The following LRBA variants were observed in gnomAD, a reference collection of about 807,000 sequenced individuals.
LRBA encodes the protein lipopolysaccharide-responsive and beige-like anchor protein.
Under a neutral mutation model 330.0 loss-of-function variants are expected in LRBA, and 176 were observed. The observed-to-expected ratio is 0.53, with a 90% CI of 0.47 to 0.60. The LOEUF is 0.60. Ranked by LOEUF, LRBA falls within the 20% of genes least tolerant of loss-of-function variation. LRBA has a pLI of 0.00. For missense variants in LRBA, 3,259 were observed against 3,444.8 expected (o/e 0.95, Z 1.35); for synonymous variants, 1,230 against 1,193.0 (o/e 1.03, Z -0.64).
intron 36 of LRBA, among the ~76,000 whole-genome samples, chr4:150,716,621 G>A (rs1024072000): frequency 6.6e-6 from 1 of 151,578 alleles, no homozygotes; most frequent in Non-Finnish European, 1.5e-5. Context: ...AAATAAACAC[G>A]TTTAAATTTA....
chr4:150,349,707 T>G (rs756486573), intron 48 of LRBA, among the ~76,000 whole-genome samples: 15 of 152,196 alleles, frequency 9.9e-5, no homozygotes, highest in Non-Finnish European at 1.9e-4. Context: ...ACAAAAATCA[T>G]GAGTAACCCC....
chr4:150,797,875 A>T (rs1353724647), intron 34 of LRBA, among the ~76,000 whole-genome samples: 3 of 152,150 alleles, frequency 2.0e-5, no homozygotes, highest in Non-Finnish European at 2.9e-5. Flanking sequence ...TTTGTTTCTC[A>T]CTTCCTCTCA....
chr4:150,523,097 T>G (rs1410751404), intron 40 of LRBA, among the ~76,000 whole-genome samples: 1 of 152,226 alleles, frequency 6.6e-6, no homozygotes, highest in Admixed American at 6.5e-5. Context: ...TTGGATGGCA[T>G]CTACATGATA....
chr4:150,566,251 A>G (rs1216319830), intron 40 of LRBA, among the ~76,000 whole-genome samples: 1 of 152,128 alleles, frequency 6.6e-6, no homozygotes, highest in Admixed American at 6.6e-5. Flanking sequence ...TTTAAAAATC[A>G]TAGCATGGAA....
rs139613482 is a variant in LRBA at position 150,915,099 on chromosome 4, T to C, written c.1014+509A>G. Among the ~76,000 whole-genome samples the C allele has an allele frequency of 6.0e-3, 913 of 152,256 alleles. 12 individuals carry two copies. Among genetic ancestry groups the C allele is most frequent in the African/African-American group, 0.017 (719 of 41,568 alleles). ...TATGAAAAGAGGAGTTAATGGTGTG[T>C]GGGTAGTGTACTTTATGTTCATTTT... is the stretch of plus-strand genomic sequence containing the variant. On this transcript the variant is annotated intron_variant, in intron 8 of 56. Transcript: ENST00000651943.
At chr4:150,928,693 A>C in intron 3 of LRBA, 77 bp from the exon 4 acceptor site, 1 of 1,327,424 alleles carries the variant, frequency 7.5e-7, no homozygotes, top group Non-Finnish European at 1.1e-6. Flanking sequence ...GTGCTTATTT[A>C]AGGGCTTGGA....
chr4:150,727,239 A>C (rs1222242914), intron 36 of LRBA, among the ~76,000 whole-genome samples: 1 of 151,864 alleles, frequency 6.6e-6, no homozygotes, highest in Non-Finnish European at 1.5e-5. Flanking sequence ...ACACTCAGCT[A>C]ATTTTTGTAT....
intron 37 of LRBA, among the ~76,000 whole-genome samples, chr4:150,664,439 A>G (rs1239573710): frequency 6.6e-6 from 1 of 152,192 alleles, no homozygotes; most frequent in Non-Finnish European, 1.5e-5. Context: ...ATAAAGCATA[A>G]TAGCCTGTCA....
At position 150,302,682 on chromosome 4, in the gene LRBA, T is replaced by C; in HGVS notation, c.7960A>G (p.Thr2654Ala). ...CCATTCCAATACCACAGCAAAAGAG[T>C]TGCATCACGTGACCCTGAGAGAATG... Reference protein sequence around the residue: ...CYILSGSRDATLLLWYWNGKC... With the variant: ...CYILSGSRDAALLLWYWNGKC... The change falls in exon 53 of 57, where the codon ACT (threonine) becomes GCT (alanine). Residue 2654 changes from threonine to alanine, a missense_variant. Coordinates refer to ENST00000651943, the MANE Select transcript of LRBA (RefSeq NM_001364905.1). 5 of 1,612,606 alleles carry C rather than the reference T, an allele frequency of 3.1e-6. No homozygotes were observed. The highest frequency in any genetic ancestry group is 4.2e-6 in the Non-Finnish European group (5 of 1,179,176).
intron 30 of LRBA, among the ~76,000 whole-genome samples, chr4:150,827,601 T>C (rs1436731087): frequency 6.6e-6 from 1 of 151,822 alleles, no homozygotes; most frequent in African/African-American, 2.4e-5. Context: ...TTTCTTTTTT[T>C]TTCTTTTTTT....
At chr4:150,316,766 TAGTG>T (rs1459421017) in intron 50 of LRBA, among the ~76,000 whole-genome samples, 2 of 151,846 alleles carry the variant, frequency 1.3e-5, no homozygotes, top group Non-Finnish European at 2.9e-5. Flanking sequence ...AGTCAGAAAA[TAGTG>T]AAAGTATGGA....
chr4:150,360,587 T>A (rs551716547), intron 47 of LRBA, among the ~76,000 whole-genome samples: 3 of 152,188 alleles, frequency 2.0e-5, no homozygotes, highest in Non-Finnish European at 4.4e-5. Flanking sequence ...CAGATTTTGA[T>A]ACAAGACAGA....
chr4:150,924,261 C>T (rs971788992), intron 4 of LRBA, among the ~76,000 whole-genome samples: 1 of 152,114 alleles, frequency 6.6e-6, no homozygotes, highest in Non-Finnish European at 1.5e-5. Flanking sequence ...TCTGTAATCT[C>T]AACACTTTAG....
intron 34 of LRBA, among the ~76,000 whole-genome samples, chr4:150,790,810 A>G (rs1278718378): frequency 6.6e-6 from 1 of 152,198 alleles, no homozygotes; most frequent in Non-Finnish European, 1.5e-5. Context: ...AGCAAAGAAT[A>G]CCTACTTTCT....
chr4:150,699,051 A>G (rs1323739463), intron 36 of LRBA, among the ~76,000 whole-genome samples: 1 of 152,172 alleles, frequency 6.6e-6, no homozygotes, highest in South Asian at 2.1e-4. Context: ...AAAAAATTTG[A>G]TGGTGCCGTT....
rs771486205 is a variant in LRBA, at chr4:150,868,265, G to A, written c.2490C>T (p.Pro830=). The change falls in exon 21 of 57, where the codon CCC becomes CCT. Residue 830 remains proline, a synonymous_variant. Coordinates refer to ENST00000651943, the MANE Select transcript of LRBA (RefSeq NM_001364905.1). ...GAACCTCCATGCTCTCTGGGCACTG[G>A]GGAGAATTTCGAAGTAGGGTCGCAA... ...KVIATLLRNS[P]QCPESMEVRR... 6.2e-7 allele frequency: 1 copy of A among 1,612,006 alleles called. No individual in the cohort carries two copies. The highest frequency in any genetic ancestry group is 1.1e-5 in the South Asian group (1 of 90,828).
At chr4:150,880,506 C>CA (rs1424319509) in intron 17 of LRBA, among the ~76,000 whole-genome samples, 1 of 133,372 alleles carries the variant, frequency 7.5e-6, no homozygotes, top group African/African-American at 2.7e-5. Flanking sequence ...GGAAACAGAG[C>CA]AATACCCTGT....
chr4:150,487,679 T>C, intron 42 of LRBA, 53 bp downstream of exon 42: 1 of 949,244 alleles, frequency 1.1e-6, no homozygotes, highest in Non-Finnish European at 1.6e-6. Flanking sequence ...TGGTTAATTA[T>C]TATAACTATT....
Position 150,856,154 on chromosome 4 carries a change from A to C in LRBA, c.2767-3211T>G, listed in dbSNP as rs538343658. ...AGCACAGCATGTCTTTGTGGAGTGA[A>C]GTGAGAATCTTCAGGTGATTCACAT... On this transcript the variant is annotated intron_variant, in intron 22 of 56. Coordinates refer to ENST00000651943, the MANE Select transcript of LRBA (RefSeq NM_001364905.1). 3.3e-5 allele frequency among the ~76,000 whole-genome samples: 5 copies of C among 152,320 alleles called. No individual in the cohort carries two copies. The South Asian group carries it at 6.2e-4, about 19-fold the overall frequency.
Sources: allele counts gnomAD v4.1 joint callset (sites outside exome capture counted in the v4.1 genomes callset), GRCh38; gene constraint gnomAD v4.1.1; transcripts MANE v1.5; gene names NCBI Gene and HGNC (gene_info 2026-07-23, HGNC 2026-07-21).